The following PLP1 variants were observed in gnomAD, a reference collection of about 807,000 sequenced individuals.
PLP1 encodes proteolipid protein 1, also known as myelin proteolipid protein.
Under a neutral mutation model 18.5 loss-of-function variants are expected in PLP1, and 2 were observed. The observed-to-expected ratio is 0.11, with a 90% confidence interval of 0.04 to 0.34. The LOEUF (loss-of-function observed/expected upper bound fraction) is 0.34. Ranked by LOEUF, PLP1 falls within the 10% of genes least tolerant of loss-of-function variation. The pLI is 1.00. For synonymous variants in PLP1, 86 were observed against 83.2 expected (o/e 1.03, Z -0.19); for missense variants, 105 against 207.3 (o/e 0.51, Z 3.03).
rs374325895 is a variant in PLP1 at position 103,777,334 on chromosome X, G to A, written c.4+335G>A. On this transcript the variant is annotated intron_variant, in intron 1 of 6. Transcript: ENST00000621218. Reference sequence around the variant, plus strand: ...TGGTTCCAAGGCCCTGGCAACGGTTGGGTCAGCTTGCCCTCCTGGTTCTGC... The same window carrying A: ...TGGTTCCAAGGCCCTGGCAACGGTTAGGTCAGCTTGCCCTCCTGGTTCTGC... 7.2e-5 allele frequency among the ~76,000 whole-genome samples: 8 copies of A among 111,239 alleles called. No individual in the cohort carries two copies. The East Asian group carries it at 1.4e-3, about 20-fold the overall frequency.
At chrX:103,788,387 C>T (rs1473700625) in intron 4 of PLP1, 50 bp from the exon 5 acceptor site, 1 of 901,139 alleles carries the variant, frequency 1.1e-6, no homozygotes, top group African/African-American at 2.0e-5. Flanking sequence ...CTCCATGTGG[C>T]CCCGTAACTC....
intron 5 of PLP1, 156 bp from the exon 6 acceptor site, chrX:103,789,177 G>T: frequency 3.9e-6 from 2 of 518,045 alleles, no homozygotes; most frequent in Non-Finnish European, 7.0e-6. Flanking sequence ...TGAAGACTGG[G>T]AGGCCCACAT....
At chrX:103,787,244 G>T (rs1325372995) in intron 3 of PLP1, among the ~76,000 whole-genome samples, 1 of 111,928 alleles carries the variant, frequency 8.9e-6, no homozygotes, top group Non-Finnish European at 1.9e-5. Context: ...TTGCCTGAGG[G>T]TTATCCATGC....
intron 1 of PLP1, among the ~76,000 whole-genome samples, chrX:103,783,356 G>A (rs1280192380): frequency 8.9e-6 from 1 of 112,502 alleles, no homozygotes; most frequent in East Asian, 2.8e-4. Flanking sequence ...GCTACAGATT[G>A]CTTCTTATAG....
At chrX:103,788,243 C>G (rs1204446590) in intron 4 of PLP1, among the ~76,000 whole-genome samples, 194 bp from the exon 5 acceptor site, 1 of 111,898 alleles carries the variant, frequency 8.9e-6, no homozygotes, top group African/African-American at 3.3e-5. Context: ...CAATAACAAA[C>G]ACAAGGTTTC....
At chrX:103,777,857 A>G (rs1371582086) in intron 1 of PLP1, among the ~76,000 whole-genome samples, 2 of 112,795 alleles carry the variant, frequency 1.8e-5, no homozygotes, top group Non-Finnish European at 3.7e-5. Flanking sequence ...GACATTGCTA[A>G]CATTTGGCAA....
intron 1 of PLP1, among the ~76,000 whole-genome samples, chrX:103,777,275 AC>A (rs2074418404): frequency 9.1e-6 from 1 of 110,415 alleles, no homozygotes; most frequent in South Asian, 3.9e-4. Context: ...GTGTCCTCCT[AC>A]CCCCTCACTT....
In PLP1 at chrX:103,791,577, T is replaced by C. The variant is rs1333694608; in HGVS notation, c.*979T>C. On this transcript the variant is annotated 3_prime_UTR_variant, in exon 7 of 7. Transcript: ENST00000621218. ...TGTGTACTCTGGCCTCTGTCATATC[T>C]TCACAATGGTGCTCATTTCATGGGG... 1 of 112,572 alleles carries C rather than the reference T, an allele frequency of 8.9e-6. No homozygotes were observed. Among genetic ancestry groups the C allele is most frequent in the Non-Finnish European group, 1.9e-5 (1 of 53,263 alleles). 9.3% of individuals were successfully genotyped at this position (112,572 alleles called of 1,213,427 possible).
At position 103,790,635 on chromosome X, in the gene PLP1, C is replaced by A; in HGVS notation, c.*37C>A. On this transcript the variant is annotated 3_prime_UTR_variant, in exon 7 of 7. Transcript: ENST00000621218. ...AATCCCCCTTTCTCTAATAGCGAGG[C>A]TCTAACCACACAGCCTACAATGCTG... 1 of 1,011,761 alleles carries A rather than the reference C, an allele frequency of 9.9e-7. No homozygotes were observed. Among genetic ancestry groups the A allele is most frequent in the Non-Finnish European group, 1.4e-6 (1 of 712,877 alleles). The allele number at this position is 1,011,761 out of a possible 1,213,427, so 83.4% of individuals were successfully genotyped here. A position where few individuals can be genotyped will look rare whatever the true frequency, so the allele number is the denominator to read the frequency against.
chrX:103,783,671 C>T (rs2074472146), intron 1 of PLP1, among the ~76,000 whole-genome samples: 1 of 112,103 alleles, frequency 8.9e-6, no homozygotes, highest in East Asian at 2.8e-4. Context: ...TTCATGCTCT[C>T]TGGGCTAAAA....
At position 103,791,124 on chromosome X, in the gene PLP1, C is replaced by A. The variant is rs1428643427; in HGVS notation, c.*526C>A. Reference sequence around the variant, plus strand: ...AAGAATGTCAGAAAAACAATAAGAGCGTTTGCCCAAATCTGCCTATTGCAG... The same window carrying A: ...AAGAATGTCAGAAAAACAATAAGAGAGTTTGCCCAAATCTGCCTATTGCAG... On this transcript the variant is annotated 3_prime_UTR_variant, in exon 7 of 7. Coordinates refer to ENST00000621218, the MANE Select transcript of PLP1 (RefSeq NM_000533.5). The A allele has an allele frequency of 1.7e-5, 2 of 119,578 alleles. No individual in the cohort carries two copies. The highest frequency in any genetic ancestry group is 6.5e-5 in the African/African-American group (2 of 30,886). The allele number at this position is 119,578 out of a possible 1,213,427, so 9.9% of individuals were successfully genotyped here.
At chrX:103,778,587 G>T (rs2074429033) in intron 1 of PLP1, among the ~76,000 whole-genome samples, 1 of 111,356 alleles carries the variant, frequency 9.0e-6, no homozygotes, top group Admixed American at 9.5e-5. Flanking sequence ...CAAATAAAGT[G>T]ACCACAGGGA....
chrX:103,786,820 T>C, intron 3 of PLP1, 94 bp downstream of exon 3: 2 of 931,316 alleles, frequency 2.1e-6, no homozygotes, highest in South Asian at 2.0e-5. Flanking sequence ...CTGGGTCCTC[T>C]CTAGGGGCCT....
rs187417121 is a variant in PLP1 at position 103,788,568 on chromosome X, C to A, written c.696+58C>A. ...AGTAGCTAATACCATACAAATTACA[C>A]CCATGGCCTTCAATTTTAAGGACTG... is the stretch of plus-strand genomic sequence containing the variant. On this transcript the variant is annotated intron_variant, in intron 5 of 6. Transcript: ENST00000621218. 2.1e-3 allele frequency: 1,836 copies of A among 862,464 alleles called. 3 individuals are homozygous for A. Among genetic ancestry groups the A allele is most frequent in the Non-Finnish European group, 2.9e-3 (1,701 of 577,370 alleles). 71.1% of individuals were successfully genotyped at this position (862,464 alleles called of 1,213,427 possible). A position where few individuals can be genotyped will look rare whatever the true frequency, so the allele number is the denominator to read the frequency against.
chrX:103,790,787 C>A lies in PLP1; in HGVS notation c.*189C>A. The A allele has an allele frequency of 2.2e-6, 1 of 457,480 alleles. No homozygotes were observed. Among genetic ancestry groups the A allele is most frequent in the South Asian group, 3.3e-5 (1 of 30,330 alleles). 37.7% of individuals were successfully genotyped at this position (457,480 alleles called of 1,213,427 possible). ...TTGGACTCTCCCCTCTTATGTACCT[C>A]TTTTAGTCATTTTGCTTCATAGCTG... On this transcript the variant is annotated 3_prime_UTR_variant, in exon 7 of 7. Coordinates refer to ENST00000621218, the MANE Select transcript of PLP1 (RefSeq NM_000533.5).
chrX:103,790,834 T>G lies in PLP1; in HGVS notation c.*236T>G. 4.8e-6 allele frequency: 2 copies of G among 414,978 alleles called. No homozygotes were observed. Among genetic ancestry groups the G allele is most frequent in the East Asian group, 8.0e-5 (2 of 25,105 alleles). 34.2% of individuals were successfully genotyped at this position (414,978 alleles called of 1,213,427 possible). ...GCTGGTTCCTGCTAGAAATGGGAAA[T>G]GCCTAAGAAGATGACTTCCCAACTG... On this transcript the variant is annotated 3_prime_UTR_variant, in exon 7 of 7. Transcript: ENST00000621218.
intron 1 of PLP1, 141 bp downstream of exon 1, chrX:103,777,140 T>C: frequency 1.8e-6 from 1 of 549,532 alleles, no homozygotes; most frequent in Non-Finnish European, 3.2e-6. Flanking sequence ...TTCCTTAACA[T>C]TCAGTTAGAT....
chrX:103,776,774 GGAGGAGGAGA>G (rs1377847457), upstream of PLP1: 1,674 of 419,705 alleles, frequency 4.0e-3, 20 homozygotes, highest in African/African-American at 0.036. Context: ...GGAGGAGAAG[GGAGGAGGAGA>G]GGAGGAGGAA....
chrX:103,779,979 A>G (rs1488938160), intron 1 of PLP1: 1 of 112,886 alleles, frequency 8.9e-6, no homozygotes, highest in East Asian at 2.8e-4. Context: ...AGGAAGGGTC[A>G]CAGCAGCCAT....
Sources: gnomAD v4.1 joint callset for allele counts (sites outside exome capture counted in the v4.1 genomes callset) on GRCh38, gnomAD v4.1.1 for gene constraint, MANE v1.5 for transcripts, NCBI Gene and HGNC (gene_info 2026-07-23, HGNC 2026-07-21) for gene names.